SCLT1: variants seen among roughly 807,000 people sequenced by gnomAD.
SCLT1 encodes the protein sodium channel and clathrin linker 1.
In SCLT1, 78 loss-of-function variants were observed where a neutral mutation model predicts 112.8. That is an observed-to-expected ratio of 0.69 (90% confidence interval 0.58 to 0.83). The LOEUF (loss-of-function observed/expected upper bound fraction) is 0.83. Among genes scored for constraint, SCLT1 ranks in the 40% least tolerant of loss-of-function variants. SCLT1 has a pLI of 0.00. For synonymous variants in SCLT1, 257 were observed against 254.7 expected, an observed-to-expected ratio of 1.01 and a Z score of -0.09; for missense variants, 747 against 770.4, an observed-to-expected ratio of 0.97 and a Z score of 0.36.
chr4:128,915,557 T>C (rs1217057261), intron 18 of SCLT1, among the ~76,000 whole-genome samples: 1 of 152,170 alleles, frequency 6.6e-6, no homozygotes, highest in East Asian at 1.9e-4. Flanking sequence ...GGAATTCAAG[T>C]TTCTTAGGTC....
intron 9 of SCLT1, among the ~76,000 whole-genome samples, chr4:128,989,910 CAA>C: frequency 6.6e-6 from 1 of 151,222 alleles, no homozygotes; most frequent in East Asian, 2.0e-4. Flanking sequence ...TGAAGAAATA[CAA>C]AACTTGAATA....
intron 2 of SCLT1, among the ~76,000 whole-genome samples, chr4:129,073,002 A>T (rs1370630889): frequency 6.6e-6 from 1 of 152,088 alleles, no homozygotes; most frequent in Non-Finnish European, 1.5e-5. Context: ...TGTTCCCTTG[A>T]TGTAACACTC....
In SCLT1 at chr4:129,006,277, C is replaced by T. The variant is rs1370969222; in HGVS notation, c.291-2401G>A. Among the ~76,000 whole-genome samples, 8 of 152,216 alleles carry T rather than the reference C, an allele frequency of 5.3e-5. No homozygotes were observed. In the East Asian group the frequency reaches 1.4e-3, roughly 26 times the overall value. ...ATTTTTAGCCAGGTTCGGTGGCTCA[C>T]ACCTGTAATCCCAGCATTTTGGTAG... On this transcript the variant is annotated intron_variant, in intron 5 of 20. Transcript: ENST00000281142.
chr4:128,976,387 A>T lies in SCLT1; in HGVS notation c.687-5919T>A, dbSNP rs201004056. Among the ~76,000 whole-genome samples, 27 of 152,314 alleles carry T rather than the reference A, an allele frequency of 1.8e-4. No homozygotes were observed. The East Asian group carries it at 5.0e-3, about 28-fold the overall frequency. On this transcript the variant is annotated intron_variant, in intron 9 of 20. Coordinates refer to ENST00000281142, the MANE Select transcript of SCLT1 (RefSeq NM_144643.4). ...TACAAGTCTAGTCTTAGAGTCATGT[A>T]ACTTTGGGTAACACTGACAAGGTGC... is the stretch of plus-strand genomic sequence containing the variant.
intron 5 of SCLT1, among the ~76,000 whole-genome samples, chr4:129,007,589 A>G (rs893210841): frequency 5.3e-5 from 8 of 152,058 alleles, no homozygotes; most frequent in African/African-American, 1.9e-4. Context: ...CATATTTTCT[A>G]TCCTTTTATT....
At chr4:128,899,963 T>C (rs1734129908) in intron 18 of SCLT1, among the ~76,000 whole-genome samples, 1 of 152,022 alleles carries the variant, frequency 6.6e-6, no homozygotes, top group South Asian at 2.1e-4. Context: ...GAATCCAACT[T>C]ATAAGGGATG....
intron 5 of SCLT1, among the ~76,000 whole-genome samples, chr4:129,020,691 T>A (rs997006231): frequency 1.3e-5 from 2 of 152,218 alleles, no homozygotes; most frequent in Admixed American, 6.5e-5. Flanking sequence ...TAGTTAAAAT[T>A]CCACGTATAT....
At chr4:129,030,844 G>C (rs1208165369) in intron 5 of SCLT1, among the ~76,000 whole-genome samples, 4 of 151,992 alleles carry the variant, frequency 2.6e-5, no homozygotes, top group Non-Finnish European at 4.4e-5. Context: ...ACAAGCCCAG[G>C]ACCAGACAGA....
Position 129,053,557 on chromosome 4 carries a change from ATTTTTTTTTTTTT to A in SCLT1, c.103-9519_103-9507del, listed in dbSNP as rs528905688. Among the ~76,000 whole-genome samples, 331 of 45,234 alleles carry A rather than the reference ATTTTTTTTTTTTT, an allele frequency of 7.3e-3. 4 individuals are homozygous for A. The highest frequency in any genetic ancestry group is 0.021 in the Middle Eastern group (1 of 48). 29.7% of individuals were successfully genotyped at this position (45,234 alleles called of 152,430 possible). A position where few individuals can be genotyped will look rare whatever the true frequency, so the allele number is the denominator to read the frequency against. ...TTAGAGACTAGGATTGCAATCCCTG[ATTTTTTTTTTTTT>A]TTTTTTTTTTTTTTTTTTTTGCTTT... On this transcript the variant is annotated intron_variant, in intron 2 of 20. Coordinates refer to ENST00000281142, the MANE Select transcript of SCLT1 (RefSeq NM_144643.4).
chr4:129,083,941 G>A (rs1699391), intron 1 of SCLT1, among the ~76,000 whole-genome samples: 109,603 of 151,978 alleles, frequency 0.72, 41,535 homozygotes, highest in South Asian at 0.89. Context: ...AAAATGATAA[G>A]AAATATGATC....
chr4:129,048,751 A>G (rs1442576734), intron 2 of SCLT1, among the ~76,000 whole-genome samples: 2 of 152,250 alleles, frequency 1.3e-5, no homozygotes, highest in Non-Finnish European at 2.9e-5. Flanking sequence ...CCTAATATCC[A>G]GAATCTACAA....
intron 5 of SCLT1, among the ~76,000 whole-genome samples, chr4:129,023,229 C>T (rs1745658161): frequency 6.6e-6 from 1 of 152,128 alleles, no homozygotes; most frequent in South Asian, 2.1e-4. Flanking sequence ...TATGAAGAAA[C>T]TGCCTTAACT....
intron 18 of SCLT1, among the ~76,000 whole-genome samples, chr4:128,916,226 T>C (rs1482343734): frequency 1.3e-5 from 2 of 152,208 alleles, no homozygotes; most frequent in African/African-American, 2.4e-5. Context: ...TCAGAGCAGA[T>C]TTGGGTATTT....
At chr4:128,892,681 A>T (rs1165392874) in intron 18 of SCLT1, among the ~76,000 whole-genome samples, 1 of 152,230 alleles carries the variant, frequency 6.6e-6, no homozygotes, top group African/African-American at 2.4e-5. Context: ...GTTACTGAAC[A>T]TTCGTTACAG....
At chr4:128,932,626 C>A (rs1736863793) in intron 18 of SCLT1, among the ~76,000 whole-genome samples, 1 of 151,816 alleles carries the variant, frequency 6.6e-6, no homozygotes, top group Admixed American at 6.6e-5. Flanking sequence ...AGAAATTAGG[C>A]AAGACAAATA....
chr4:128,929,971 A>G (rs1054224544), intron 18 of SCLT1, among the ~76,000 whole-genome samples: 3 of 152,216 alleles, frequency 2.0e-5, no homozygotes, highest in Admixed American at 1.3e-4. Flanking sequence ...AAAGGACAAT[A>G]TAAGCAAGTA....
intron 18 of SCLT1, among the ~76,000 whole-genome samples, chr4:128,923,971 G>C (rs1041775750): frequency 6.6e-6 from 1 of 151,870 alleles, no homozygotes; most frequent in African/African-American, 2.4e-5. Context: ...GCCATGCCTG[G>C]TTAATTTTAT....
intron 4 of SCLT1, 139 bp from the exon 5 acceptor site, chr4:129,039,235 ATAAT>A: frequency 1.7e-6 from 1 of 576,512 alleles, no homozygotes; most frequent in Non-Finnish European, 3.1e-6. Context: ...TAACAAAGGG[ATAAT>A]TAATATGGAT....
intron 5 of SCLT1, among the ~76,000 whole-genome samples, chr4:129,023,716 G>A (rs551636361): frequency 9.8e-5 from 15 of 152,314 alleles, no homozygotes; most frequent in South Asian, 4.1e-4. Flanking sequence ...CACTGTGTGC[G>A]AGCTGAAGCA....
Sources: gnomAD v4.1 joint callset for allele counts (sites outside exome capture counted in the v4.1 genomes callset) on GRCh38, gnomAD v4.1.1 for gene constraint, MANE v1.5 for transcripts, NCBI Gene and HGNC (gene_info 2026-07-23, HGNC 2026-07-21) for gene names.